Variants in RHBDD1 observed in about 807,000 individuals in gnomAD.
The protein encoded by RHBDD1 is rhomboid-related protein 4.
In RHBDD1, 38 loss-of-function variants were observed where a neutral mutation model predicts 36.3. That is an observed-to-expected ratio of 1.05 (90% CI 0.81 to 1.37). RHBDD1 has a LOEUF of 1.37. Ranked by LOEUF, RHBDD1 falls within the 40% of genes most tolerant of loss-of-function variation. RHBDD1 has a pLI of 0.00. For synonymous variants in RHBDD1, 151 were observed against 136.5 expected, an observed-to-expected ratio of 1.11 and a Z score of -0.74; for missense variants, 393 against 377.6, an observed-to-expected ratio of 1.04 and a Z score of -0.34.
rs562267320 is a variant in RHBDD1, at chr2:226,899,008, A to G, written c.567-7785A>G. ...TATTACATTTTCTGCTTTCTGAGCT[A>G]TGCTTGAGAGGACAACCTCTTCAAC... On this transcript the variant is annotated intron_variant, in intron 5 of 8. Transcript: ENST00000392062. Among the ~76,000 whole-genome samples, 34 of 152,348 alleles carry G rather than the reference A, an allele frequency of 2.2e-4. 1 individual carries two copies. The East Asian group carries it at 6.0e-3, about 27-fold the overall frequency.
chr2:226,871,761 C>A (rs1944816002), intron 5 of RHBDD1, among the ~76,000 whole-genome samples: 1 of 152,138 alleles, frequency 6.6e-6, no homozygotes, highest in African/African-American at 2.4e-5. Context: ...ATTAAACTGG[C>A]TCTTTTTTGG....
intron 8 of RHBDD1, among the ~76,000 whole-genome samples, chr2:226,946,131 G>A (rs1458833076): frequency 6.6e-6 from 1 of 151,994 alleles, no homozygotes; most frequent in East Asian, 1.9e-4. Context: ...TTTTTTTGCT[G>A]TGCAGAAGCT....
chr2:226,868,519 A>G (rs577480508), intron 5 of RHBDD1, among the ~76,000 whole-genome samples: 1 of 152,320 alleles, frequency 6.6e-6, no homozygotes, highest in East Asian at 1.9e-4. Context: ...CTGGAAATGC[A>G]TAATGTTTGT....
In RHBDD1 at chr2:226,997,225, A is replaced by G. The variant is rs1336107669; in HGVS notation, c.*1703A>G. The stretch of plus-strand genomic sequence containing the variant: ...ACATCTTCTTTATAATATAAATTGT[A>G]CCTGTGAGTCTAGAAGCTTTAAATG... On this transcript the variant is annotated 3_prime_UTR_variant, in exon 9 of 9. Transcript: ENST00000392062. 2 of 152,228 alleles carry G rather than the reference A, an allele frequency of 1.3e-5. No homozygotes were observed. The highest frequency in any genetic ancestry group is 2.9e-5 in the Non-Finnish European group (2 of 68,038). 9.4% of individuals were successfully genotyped at this position (152,228 alleles called of 1,614,324 possible).
chr2:226,976,677 G>A (rs954123629), intron 8 of RHBDD1, among the ~76,000 whole-genome samples: 1 of 152,144 alleles, frequency 6.6e-6, no homozygotes, highest in Non-Finnish European at 1.5e-5. Context: ...ATTTTGAGAG[G>A]AGGAGAGAAG....
intron 5 of RHBDD1, among the ~76,000 whole-genome samples, chr2:226,892,816 A>G (rs941172050): frequency 2.6e-5 from 4 of 152,208 alleles, no homozygotes; most frequent in Non-Finnish European, 4.4e-5. Context: ...GGGGAATTAA[A>G]AACAACATTT....
intron 5 of RHBDD1, among the ~76,000 whole-genome samples, chr2:226,901,937 C>T (rs1477420009): frequency 6.6e-6 from 1 of 152,172 alleles, no homozygotes; most frequent in Non-Finnish European, 1.5e-5. Context: ...TTCCTCTCAT[C>T]TGATAGTTAC....
At chr2:226,941,685 A>T (rs866856001) in intron 8 of RHBDD1, among the ~76,000 whole-genome samples, 15 of 152,334 alleles carry the variant, frequency 9.8e-5, no homozygotes, top group Middle Eastern at 3.4e-3. Context: ...AGTAATATTT[A>T]TACACTATGG....
the RHBDD1 span, among the ~76,000 whole-genome samples, chr2:226,802,016 C>T: frequency 2.0e-5 from 3 of 151,958 alleles, no homozygotes; most frequent in South Asian, 2.1e-4. Context: ...ACCTCCGTCC[C>T]TCCACCCCCC....
intron 8 of RHBDD1, among the ~76,000 whole-genome samples, chr2:226,985,858 C>T (rs1956825890): frequency 6.6e-6 from 1 of 152,272 alleles, no homozygotes; most frequent in East Asian, 1.9e-4. Context: ...GAGATGCCCA[C>T]TCCTACCTCT....
chr2:226,908,960 T>C, intron 7 of RHBDD1, 82 bp downstream of exon 7: 1 of 885,148 alleles, frequency 1.1e-6, no homozygotes, highest in Admixed American at 1.9e-5. Context: ...TTTAGGATAC[T>C]ACTAGTTTCT....
At chr2:226,832,337 A>C (rs1407121365), upstream of RHBDD1, among the ~76,000 whole-genome samples, 1 of 152,166 alleles carries the variant, frequency 6.6e-6, no homozygotes, top group Non-Finnish European at 1.5e-5. Context: ...CTGTAACTGG[A>C]GAATGTACTT....
chr2:226,864,288 C>G (rs547825979), intron 3 of RHBDD1, among the ~76,000 whole-genome samples: 1 of 152,044 alleles, frequency 6.6e-6, no homozygotes, highest in Non-Finnish European at 1.5e-5. Context: ...TGCACACTAT[C>G]TTTGTAGGTT....
intron 8 of RHBDD1, among the ~76,000 whole-genome samples, chr2:226,952,976 G>A (rs1361317038): frequency 6.6e-6 from 1 of 152,070 alleles, no homozygotes; most frequent in Non-Finnish European, 1.5e-5. Context: ...AGTGGTAATG[G>A]TTTCCTTATT....
chr2:226,994,829 T>C (rs888405357), intron 8 of RHBDD1, among the ~76,000 whole-genome samples: 1 of 152,216 alleles, frequency 6.6e-6, no homozygotes, highest in Non-Finnish European at 1.5e-5. Flanking sequence ...AGAAACTCTT[T>C]TCAGTAACGA....
chr2:226,876,669 C>A (rs1295048191), intron 5 of RHBDD1, among the ~76,000 whole-genome samples: 2 of 152,060 alleles, frequency 1.3e-5, no homozygotes, highest in Non-Finnish European at 2.9e-5. Flanking sequence ...AACTTTTGAT[C>A]ATAAAACCCA....
At chr2:226,899,051 A>G (rs969834296) in intron 5 of RHBDD1, among the ~76,000 whole-genome samples, 1 of 152,228 alleles carries the variant, frequency 6.6e-6, no homozygotes, top group Non-Finnish European at 1.5e-5. Flanking sequence ...AGAATTTGCC[A>G]TTTAATAGAG....
chr2:226,972,397 C>T (rs1256308198), intron 8 of RHBDD1, among the ~76,000 whole-genome samples: 2 of 152,182 alleles, frequency 1.3e-5, no homozygotes, highest in East Asian at 3.8e-4. Context: ...AAGAGAGAGA[C>T]AGGGATTACC....
rs767472962 is a variant in RHBDD1 at position 226,847,683 on chromosome 2, A to G, written c.-91+8056A>G. Reference sequence around the variant, plus strand: ...GAAGATGATTCTTTGGGTGAGACCTATGTCAAGGCCTCTAATGTTAGATTA... The same window carrying G: ...GAAGATGATTCTTTGGGTGAGACCTGTGTCAAGGCCTCTAATGTTAGATTA... On this transcript the variant is annotated intron_variant, in intron 3 of 8. Coordinates refer to ENST00000392062, the MANE Select transcript of RHBDD1 (RefSeq NM_001167608.3). 1.2e-4 allele frequency among the ~76,000 whole-genome samples: 19 copies of G among 152,350 alleles called. No homozygotes were observed. In the South Asian group the frequency reaches 1.7e-3, roughly 13 times the overall value.
Sources: allele counts gnomAD v4.1 joint callset (sites outside exome capture counted in the v4.1 genomes callset), GRCh38; gene constraint gnomAD v4.1.1; transcripts MANE v1.5; gene names NCBI Gene and HGNC (gene_info 2026-07-23, HGNC 2026-07-21).